The following SCN2A variants were observed in gnomAD, a reference collection of about 807,000 sequenced individuals.
SCN2A encodes sodium channel protein type 2 subunit alpha.
Under a neutral mutation model 188.7 loss-of-function variants are expected in SCN2A, and 20 were observed. The observed-to-expected ratio is 0.11, with a 90% CI of 0.07 to 0.15. SCN2A has a LOEUF of 0.15. Among genes scored for constraint, SCN2A ranks in the 10% least tolerant of loss-of-function variants. The pLI is 1.00. For synonymous variants in SCN2A, 804 were observed against 833.1 expected, an observed-to-expected ratio of 0.97 and a Z score of 0.60; for missense variants, 1,278 against 2,445.0, an observed-to-expected ratio of 0.52 and a Z score of 10.07.
chr2:165,246,001 T>C (rs933971177), intron 1 of SCN2A, among the ~76,000 whole-genome samples: 4 of 152,172 alleles, frequency 2.6e-5, no homozygotes, highest in Non-Finnish European at 5.9e-5. Context: ...AGGAATGATG[T>C]CACTCCAATA....
intron 1 of SCN2A, among the ~76,000 whole-genome samples, chr2:165,257,376 C>G (rs1694373332): frequency 6.6e-6 from 1 of 152,150 alleles, no homozygotes. Flanking sequence ...ACCAGAAAAG[C>G]AATTATCACA....
intron 1 of SCN2A, among the ~76,000 whole-genome samples, chr2:165,283,317 G>A (rs1695665286): frequency 2.0e-5 from 3 of 152,178 alleles, no homozygotes; most frequent in Admixed American, 2.0e-4. Context: ...ATATGTGATA[G>A]GATCCTGAAT....
intron 1 of SCN2A, among the ~76,000 whole-genome samples, chr2:165,253,648 C>A (rs991206218): frequency 1.3e-5 from 2 of 152,058 alleles, no homozygotes; most frequent in African/African-American, 4.8e-5. Context: ...AAATTATTTA[C>A]TAAATCATCC....
intron 1 of SCN2A, among the ~76,000 whole-genome samples, chr2:165,275,472 A>G (rs1255283158): frequency 6.6e-6 from 1 of 152,192 alleles, no homozygotes; most frequent in African/African-American, 2.4e-5. Flanking sequence ...GTTACCTAGA[A>G]TATAAGCTCC....
At chr2:165,290,977 G>A (rs936368015) in intron 1 of SCN2A, among the ~76,000 whole-genome samples, 2 of 148,124 alleles carry the variant, frequency 1.4e-5, no homozygotes, top group African/African-American at 2.5e-5. Context: ...TCCAGTAATA[G>A]TAACTCAACA....
intron 3 of SCN2A, among the ~76,000 whole-genome samples, chr2:165,299,315 C>T (rs1696673541): frequency 6.6e-6 from 1 of 152,082 alleles, no homozygotes; most frequent in South Asian, 2.1e-4. Flanking sequence ...AAGAACTCAC[C>T]CTCCACAGGC....
At position 165,389,297 on chromosome 2, in the gene SCN2A, A is replaced by G. The variant is rs550489793; in HGVS notation, c.5491A>G (p.Ile1831Val). ...FADALDPPLL[I>V]AKPNKVQLIA... The stretch of plus-strand genomic sequence containing the variant: ...AGATGCCCTGGATCCTCCTCTTCTC[A>G]TAGCAAAACCCAACAAAGTCCAGCT... Residue 1831 changes from isoleucine to valine, a missense_variant, in exon 27 of 27, where the codon ATA becomes GTA. Physicochemically the swap from Ile to Val is conservative, Grantham distance 29 (BLOSUM62 3). This residue lies in a region of SCN2A where 54 missense variants were observed against 135.4 expected (regional missense o/e 0.40). Transcript: ENST00000375437. This position sits in a 1 kb window ranked among gnomAD's most constrained non-coding sequence, Gnocchi z 4.2. The G allele has an allele frequency of 1.9e-6, 3 of 1,614,102 alleles. No homozygotes were observed. Among genetic ancestry groups the G allele is most frequent in the Non-Finnish European group, 2.5e-6 (3 of 1,180,012 alleles).
intron 1 of SCN2A, among the ~76,000 whole-genome samples, chr2:165,256,224 C>A (rs943040874): frequency 9.9e-5 from 15 of 152,002 alleles, no homozygotes; most frequent in Admixed American, 7.2e-4. Context: ...AGGCTGATCG[C>A]AAACTCCTGA....
At chr2:165,263,434 T>C (rs1694695953) in intron 1 of SCN2A, among the ~76,000 whole-genome samples, 1 of 152,132 alleles carries the variant, frequency 6.6e-6, no homozygotes, top group Non-Finnish European at 1.5e-5. Flanking sequence ...TCCAGTTTCA[T>C]TCTCCTACAT....
At chr2:165,335,790 TATC>T (rs1433444199) in intron 14 of SCN2A, among the ~76,000 whole-genome samples, 4 of 151,732 alleles carry the variant, frequency 2.6e-5, no homozygotes, top group Admixed American at 6.6e-5. Context: ...CTGCAAACAA[TATC>T]ATCAAGTAAA....
intron 18 of SCN2A, 134 bp downstream of exon 18, chr2:165,365,397 CT>C: frequency 1.4e-6 from 1 of 710,244 alleles, no homozygotes; most frequent in Admixed American, 3.3e-5. Context: ...ATCTATCTAT[CT>C]AGTAATCATC....
At chr2:165,304,879 T>A (rs1697032568) in intron 3 of SCN2A, among the ~76,000 whole-genome samples, 1 of 152,192 alleles carries the variant, frequency 6.6e-6, no homozygotes. Flanking sequence ...TTGATCATCA[T>A]CCTAAGAGTA....
chr2:165,364,590 T>G (rs1338186743), intron 17 of SCN2A, among the ~76,000 whole-genome samples: 1 of 152,198 alleles, frequency 6.6e-6, no homozygotes, highest in Non-Finnish European at 1.5e-5. Flanking sequence ...GCTAACAATG[T>G]GCTGCTCTTT....
chr2:165,373,104 C>A, intron 20 of SCN2A, 121 bp from the exon 21 acceptor site: 1 of 1,073,168 alleles, frequency 9.3e-7, no homozygotes. Context: ...TAACAAGACC[C>A]CTGGGTGATT....
chr2:165,384,250 G>A (rs1012218025), intron 25 of SCN2A, among the ~76,000 whole-genome samples: 1 of 152,054 alleles, frequency 6.6e-6, no homozygotes, highest in Non-Finnish European at 1.5e-5. Context: ...AAAATAGAGG[G>A]CAAGAGAATG....
chr2:165,268,744 C>T (rs927864697), intron 1 of SCN2A: 6 of 151,432 alleles, frequency 4.0e-5, no homozygotes, highest in African/African-American at 4.8e-5. Context: ...AGATGAGGAA[C>T]GGATAAAGAA....
chr2:165,334,716 A>G (rs1698892872), intron 14 of SCN2A, among the ~76,000 whole-genome samples: 1 of 151,790 alleles, frequency 6.6e-6, no homozygotes. Flanking sequence ...GAAGGCAAGG[A>G]TATTTGCTCT....
At position 165,331,517 on chromosome 2, in the gene SCN2A, G is replaced by A; in HGVS notation, c.2337G>A (p.Glu779=). 7 of 1,613,746 alleles carry A rather than the reference G, an allele frequency of 4.3e-6. No individual in the cohort carries two copies. Among genetic ancestry groups the A allele is most frequent in the Non-Finnish European group, 5.9e-6 (7 of 1,179,728 alleles). The change falls in exon 14 of 27, where the codon GAG becomes GAA. Residue 779 remains glutamate (E), a synonymous_variant. Coordinates refer to ENST00000375437, the MANE Select transcript of SCN2A (RefSeq NM_001040142.2). ...TAAATACACTCTTCATGGCTATGGA[G>A]CACTATCCCATGACGGAGCAGTTCA... ...IVLNTLFMAM[E]HYPMTEQFSS... is the part of the protein sequence containing the mutation.
chr2:165,245,654 T>C (rs1268449341), intron 1 of SCN2A, among the ~76,000 whole-genome samples: 1 of 152,116 alleles, frequency 6.6e-6, no homozygotes, highest in Non-Finnish European at 1.5e-5. Flanking sequence ...GACAGGAGCC[T>C]AGTTATACAG....
Sources: allele counts gnomAD v4.1 joint callset (sites outside exome capture counted in the v4.1 genomes callset), GRCh38; gene constraint gnomAD v4.1.1; regional missense constraint gnomAD v4.1.1; non-coding constraint Gnocchi (gnomAD v3.1); transcripts MANE v1.5; gene names NCBI Gene and HGNC (gene_info 2026-07-23, HGNC 2026-07-21).